Variants in ADD1 observed in about 807,000 individuals in gnomAD.
ADD1 encodes adducin 1.
A neutral mutation model predicts 80.5 loss-of-function variants in ADD1; 24 were observed. That is an observed-to-expected ratio of 0.30 (90% CI 0.22 to 0.42). ADD1 has a LOEUF of 0.42. Among genes scored for constraint, ADD1 ranks in the 10% least tolerant of loss-of-function variants. The pLI, the probability that ADD1 is intolerant of heterozygous loss-of-function variation, is 1.00. For missense variants in ADD1, 948 were observed against 1,019.0 expected (o/e 0.93, Z 0.95); for synonymous variants, 373 against 393.8 (o/e 0.95, Z 0.63).
chr4:2,904,692 A>T, intron 9 of ADD1, 72 bp from the exon 10 acceptor site: 1 of 1,406,290 alleles, frequency 7.1e-7, no homozygotes, highest in Non-Finnish European at 9.9e-7. Flanking sequence ...ATGTTTCCAC[A>T]TGATTTTCCA....
Position 2,928,995 on chromosome 4 carries a change from A to G in ADD1, c.*472A>G, listed in dbSNP as rs916112107. 2 of 165,724 alleles carry G rather than the reference A, an allele frequency of 1.2e-5. No homozygotes were observed. The highest frequency in any genetic ancestry group is 2.4e-5 in the African/African-American group (1 of 41,510). 10.3% of individuals were successfully genotyped at this position (165,724 alleles called of 1,614,324 possible). A position where few individuals can be genotyped will look rare whatever the true frequency, so the allele number is the denominator to read the frequency against. ...CTGCTCAGTGATCTCACTTAAATCT[A>G]TATACAAAGCCTTGGTCCCGTGAAA... On this transcript the variant is annotated 3_prime_UTR_variant, in exon 16 of 16. Coordinates refer to ENST00000683351, the MANE Select transcript of ADD1 (RefSeq NM_001354761.2).
intron 1 of ADD1, among the ~76,000 whole-genome samples, chr4:2,856,748 A>G (rs1728140837): frequency 6.9e-6 from 1 of 145,774 alleles, no homozygotes; most frequent in African/African-American, 2.6e-5. Flanking sequence ...GCACCACCAT[A>G]TCTGGCTAAT....
intron 3 of ADD1, among the ~76,000 whole-genome samples, chr4:2,882,692 T>C (rs1732557761): frequency 6.6e-6 from 1 of 152,366 alleles, no homozygotes; most frequent in South Asian, 2.1e-4. Flanking sequence ...GCTATTTACC[T>C]GTCTGCTCTG....
chr4:2,927,659 A>G (rs1408468604), intron 15 of ADD1, among the ~76,000 whole-genome samples: 2 of 152,158 alleles, frequency 1.3e-5, no homozygotes, highest in African/African-American at 4.8e-5. Context: ...ATTAACTTCC[A>G]GCCTAAACGG....
intron 9 of ADD1, chr4:2,901,795 A>C (rs893327201): frequency 1.3e-5 from 2 of 152,170 alleles, no homozygotes; most frequent in African/African-American, 4.8e-5. Flanking sequence ...AATTTCAAAA[A>C]GAGAGATAAT....
intron 14 of ADD1, among the ~76,000 whole-genome samples, chr4:2,923,368 A>G (rs536879974): frequency 7.2e-5 from 11 of 152,156 alleles, no homozygotes; most frequent in Non-Finnish European, 1.6e-4. Flanking sequence ...ACAGTCCCTC[A>G]TGGCTTCCCT....
rs771346132 is a variant in ADD1, at chr4:2,899,531, G to A, written c.1161+96G>A. On this transcript the variant is annotated intron_variant, in intron 9 of 15. Coordinates refer to ENST00000683351, the MANE Select transcript of ADD1 (RefSeq NM_001354761.2). ...AAGTGCGATTGCTGTCTTTTATGCA[G>A]TATCTGAATACCTTCACCTTCAAAG... The A allele has an allele frequency of 5.3e-6, 7 of 1,317,540 alleles. No individual in the cohort carries two copies. The African/African-American group carries it at 8.7e-5, about 16-fold the overall frequency. 81.6% of individuals were successfully genotyped at this position (1,317,540 alleles called of 1,614,324 possible). A position where few individuals can be genotyped will look rare whatever the true frequency, so the allele number is the denominator to read the frequency against.
rs776940725 is a variant in ADD1 at position 2,909,408 on chromosome 4, G to A, written c.1768G>A (p.Ala590Thr). ...GCTTACAGAGCAGACCTTTAGTCCC[G>A]CTAAATCTCTCTCTTTTAGAAAGGT... Reference protein sequence around the residue: ...LELTEQTFSPAKSLSFRKGEL... With the variant: ...LELTEQTFSPTKSLSFRKGEL... Residue 590 changes from alanine to threonine, a missense_variant, in exon 13 of 16, where the codon GCT (alanine) becomes ACT (threonine). Transcript: ENST00000683351. 11 of 1,550,086 alleles carry A rather than the reference G, an allele frequency of 7.1e-6. No homozygotes were observed. The South Asian group carries it at 7.1e-5, about 10-fold the overall frequency.
chr4:2,926,031 A>G lies in ADD1; in HGVS notation c.1966A>G (p.Arg656Gly). The change falls in exon 15 of 16, where the codon AGA becomes GGA. Residue 656 changes from arginine (R) to glycine (G), a missense_variant. Transcript: ENST00000683351. This position sits in a 1 kb window ranked among gnomAD's most constrained non-coding sequence, Gnocchi z 5.0. ...KGSEENLDEA[R>G]EQKEKSPPDQ... ...CTCTGCAGAGAATCTGGACGAGGCT[A>G]GAGAACAGAAAGAAAAGAGTCCTCC... 1.2e-6 allele frequency: 2 copies of G among 1,614,032 alleles called. No individual in the cohort carries two copies. Among genetic ancestry groups the G allele is most frequent in the Non-Finnish European group, 8.5e-7 (1 of 1,179,898 alleles).
chr4:2,903,358 A>G (rs1189738332), intron 9 of ADD1, among the ~76,000 whole-genome samples: 1 of 152,228 alleles, frequency 6.6e-6, no homozygotes, highest in East Asian at 1.9e-4. Flanking sequence ...AAATCACTAC[A>G]GGCCTGGTGG....
intron 13 of ADD1, among the ~76,000 whole-genome samples, chr4:2,911,449 T>TATATATATATATA (rs1553848841): frequency 3.2e-5 from 3 of 92,588 alleles, no homozygotes; most frequent in African/African-American, 7.6e-5. Flanking sequence ...TATATATATA[T>TATATATATATATA]TTTTTTTTTT....
rs994625425 is a variant in ADD1 at position 2,912,838 on chromosome 4, C to CTTTG, written c.1792-2030_1792-2027dup. Among the ~76,000 whole-genome samples, 5 of 151,944 alleles carry CTTTG rather than the reference C, an allele frequency of 3.3e-5. No individual in the cohort carries two copies. The East Asian group carries it at 7.8e-4, about 24-fold the overall frequency. On this transcript the variant is annotated intron_variant, in intron 13 of 15. Coordinates refer to ENST00000683351, the MANE Select transcript of ADD1 (RefSeq NM_001354761.2). ...TGTGGTGCCTGGCTGATAGTTTATT[C>CTTTG]TTTGTTTGTTTGTTTGTTTTGTTTG...
intron 13 of ADD1, among the ~76,000 whole-genome samples, chr4:2,914,005 G>A (rs1248519407): frequency 2.0e-5 from 3 of 150,194 alleles, no homozygotes; most frequent in Non-Finnish European, 4.4e-5. Flanking sequence ...CTTGCAGCGA[G>A]CCGAGATTGC....
At position 2,882,005 on chromosome 4, in the gene ADD1, T is replaced by A. The variant is rs1185677132; in HGVS notation, c.303T>A (p.Asn101Lys). 9 of 1,613,276 alleles carry A rather than the reference T, an allele frequency of 5.6e-6. No individual in the cohort carries two copies. The highest frequency in any genetic ancestry group is 7.6e-6 in the Non-Finnish European group (9 of 1,179,822). Reference sequence around the variant, plus strand: ...AGATTGCAGATTTTATGACCACGAATGTACCAAATGTCTACCCAGCAGCTC... The same window carrying A: ...AGATTGCAGATTTTATGACCACGAAAGTACCAAATGTCTACCCAGCAGCTC... ...LQQIADFMTTNVPNVYPAAPQ... is the reference protein window; with the variant it reads ...LQQIADFMTTKVPNVYPAAPQ... The change falls in exon 3 of 16, where the codon AAT becomes AAA. Residue 101 changes from asparagine to lysine, a missense_variant. Transcript: ENST00000683351.
intron 3 of ADD1, among the ~76,000 whole-genome samples, 177 bp downstream of exon 3, chr4:2,882,237 C>A (rs755065282): frequency 6.6e-6 from 1 of 152,210 alleles, no homozygotes; most frequent in Non-Finnish European, 1.5e-5. Flanking sequence ...CTGAAATCAT[C>A]TTGAATGTTG....
At chr4:2,917,409 C>T (rs1739270810) in intron 14 of ADD1, among the ~76,000 whole-genome samples, 1 of 151,878 alleles carries the variant, frequency 6.6e-6, no homozygotes, top group Admixed American at 6.6e-5. Context: ...TGTTTAAGTT[C>T]CTTGTAGATC....
rs1481970970 is a variant in ADD1 at position 2,898,047 on chromosome 4, T to G, written c.742-137T>G. On this transcript the variant is annotated intron_variant, in intron 6 of 15. Transcript: ENST00000683351. ...CACTGGAAACCAAGTTTGTCTTAAG[T>G]TCATAGATTGATTTTCAAGAAGAGG... 3.4e-6 allele frequency: 4 copies of G among 1,182,478 alleles called. No homozygotes were observed. The African/African-American group carries it at 6.1e-5, about 18-fold the overall frequency. 73.2% of individuals were successfully genotyped at this position (1,182,478 alleles called of 1,614,324 possible). A position where few individuals can be genotyped will look rare whatever the true frequency, so the allele number is the denominator to read the frequency against.
At chr4:2,881,435 A>G (rs1732319251) in intron 2 of ADD1, among the ~76,000 whole-genome samples, 1 of 152,122 alleles carries the variant, frequency 6.6e-6, no homozygotes, top group African/African-American at 2.4e-5. Context: ...TGTAATAAGG[A>G]CTGGTTATAC....
chr4:2,877,331 T>A (rs1420729323), intron 2 of ADD1, among the ~76,000 whole-genome samples: 4 of 152,124 alleles, frequency 2.6e-5, no homozygotes, highest in Non-Finnish European at 4.4e-5. Flanking sequence ...GATTGTCTCT[T>A]ATGTGCTGTT....
Sources: allele counts gnomAD v4.1 joint callset (sites outside exome capture counted in the v4.1 genomes callset), GRCh38; gene constraint gnomAD v4.1.1; non-coding constraint Gnocchi (gnomAD v3.1); transcripts MANE v1.5; gene names NCBI Gene and HGNC (gene_info 2026-07-23, HGNC 2026-07-21).